TAFA1: variants seen among roughly 807,000 people sequenced by gnomAD.
The protein encoded by TAFA1 is TAFA chemokine like family member 1.
A neutral mutation model predicts 18.5 loss-of-function variants in TAFA1; 4 were observed. The ratio of observed to expected loss-of-function variants is 0.22; its 90% CI spans 0.11 to 0.49. TAFA1 has a LOEUF of 0.49. Ranked by LOEUF, TAFA1 falls within the 20% of genes least tolerant of loss-of-function variation. TAFA1 has a pLI of 0.98. For synonymous variants in TAFA1, 56 were observed against 55.2 expected (o/e 1.01, Z -0.06); for missense variants, 147 against 169.0 (o/e 0.87, Z 0.72).
At chr3:68,116,395 A>G (rs2065325489) in intron 2 of TAFA1, among the ~76,000 whole-genome samples, 1 of 152,226 alleles carries the variant, frequency 6.6e-6, no homozygotes, top group African/African-American at 2.4e-5. Flanking sequence ...TATCTCAATC[A>G]GCCACGCTAC....
chr3:68,472,371 G>A (rs954390847), intron 3 of TAFA1, among the ~76,000 whole-genome samples: 8 of 152,076 alleles, frequency 5.3e-5, no homozygotes, highest in South Asian at 2.1e-4. Context: ...GTGGAACTGT[G>A]AGTCAATTAA....
intron 2 of TAFA1, among the ~76,000 whole-genome samples, chr3:68,375,748 A>C (rs963688197): frequency 2.0e-5 from 3 of 152,204 alleles, no homozygotes; most frequent in Non-Finnish European, 4.4e-5. Context: ...CATAGTTTAC[A>C]TACACAAGTG....
At chr3:68,516,851 G>C (rs2072928079) in intron 3 of TAFA1, among the ~76,000 whole-genome samples, 1 of 152,034 alleles carries the variant, frequency 6.6e-6, no homozygotes. Context: ...TCAGCTCTCT[G>C]CAACCTCCAC....
At chr3:68,032,514 G>T (rs949115516) in intron 2 of TAFA1, among the ~76,000 whole-genome samples, 1 of 152,118 alleles carries the variant, frequency 6.6e-6, no homozygotes, top group African/African-American at 2.4e-5. Context: ...TGTAGAGGTA[G>T]TGCAAAAAGA....
intron 2 of TAFA1, among the ~76,000 whole-genome samples, chr3:68,107,359 T>C (rs781012936): frequency 6.6e-6 from 1 of 152,156 alleles, no homozygotes; most frequent in Non-Finnish European, 1.5e-5. Context: ...GTTTTATTCA[T>C]ACTTGCCCCA....
chr3:68,253,931 A>T (rs2067243511), intron 2 of TAFA1, among the ~76,000 whole-genome samples: 1 of 152,162 alleles, frequency 6.6e-6, no homozygotes, highest in Admixed American at 6.5e-5. Flanking sequence ...ATCATGTGGC[A>T]ACTGGGTTTT....
chr3:68,031,951 C>CT, intron 2 of TAFA1, among the ~76,000 whole-genome samples: 1 of 152,262 alleles, frequency 6.6e-6, no homozygotes, highest in African/African-American at 2.4e-5. Context: ...TTTGAATCTT[C>CT]TTATAGTTTT....
At chr3:68,328,492 G>T (rs908400275) in intron 2 of TAFA1, among the ~76,000 whole-genome samples, 3 of 152,142 alleles carry the variant, frequency 2.0e-5, no homozygotes, top group Non-Finnish European at 4.4e-5. Flanking sequence ...CTGCTGGGCC[G>T]GGAAGCTAGT....
chr3:68,162,596 C>T (rs1575653817), intron 2 of TAFA1, among the ~76,000 whole-genome samples: 2 of 152,224 alleles, frequency 1.3e-5, no homozygotes, highest in Middle Eastern at 6.8e-3. Context: ...ACTAAGTTTA[C>T]TCTCTCTCTC....
At chr3:68,333,807 G>A (rs149905372) in intron 2 of TAFA1, among the ~76,000 whole-genome samples, 1 of 152,214 alleles carries the variant, frequency 6.6e-6, no homozygotes, top group Non-Finnish European at 1.5e-5. Context: ...TGAAGAAATG[G>A]CATATTATTC....
At chr3:68,280,776 T>G (rs554725026) in intron 2 of TAFA1, among the ~76,000 whole-genome samples, 1 of 152,256 alleles carries the variant, frequency 6.6e-6, no homozygotes, top group South Asian at 2.1e-4. Context: ...CTTAAGTTGT[T>G]CCAGAAATAG....
At chr3:68,080,207 C>T (rs2064879008) in intron 2 of TAFA1, among the ~76,000 whole-genome samples, 1 of 152,132 alleles carries the variant, frequency 6.6e-6, no homozygotes, top group Non-Finnish European at 1.5e-5. Context: ...CTATGTGTGT[C>T]TCTGCACGTG....
chr3:68,082,436 G>A (rs2064917198), intron 2 of TAFA1, among the ~76,000 whole-genome samples: 1 of 152,150 alleles, frequency 6.6e-6, no homozygotes, highest in East Asian at 1.9e-4. Context: ...AGGGTTATAA[G>A]TCTGAATTTT....
intron 2 of TAFA1, among the ~76,000 whole-genome samples, chr3:68,361,846 G>A (rs2106795279): frequency 6.6e-6 from 1 of 152,136 alleles, no homozygotes; most frequent in East Asian, 1.9e-4. Flanking sequence ...TTTACAGGTG[G>A]CACTGAATCT....
intron 2 of TAFA1, among the ~76,000 whole-genome samples, chr3:68,398,192 A>T (rs2070421136): frequency 6.6e-6 from 1 of 152,212 alleles, no homozygotes; most frequent in African/African-American, 2.4e-5. Context: ...TAAAGTAACC[A>T]AAACAGCATG....
At chr3:68,149,793 T>A (rs1336343908) in intron 2 of TAFA1, among the ~76,000 whole-genome samples, 2 of 152,190 alleles carry the variant, frequency 1.3e-5, no homozygotes, top group African/African-American at 4.8e-5. Context: ...ACCTCAGGAT[T>A]CTAGATTTAG....
intron 2 of TAFA1, among the ~76,000 whole-genome samples, chr3:68,251,086 A>G (rs1265449606): frequency 6.6e-6 from 1 of 152,054 alleles, no homozygotes; most frequent in Non-Finnish European, 1.5e-5. Flanking sequence ...AGAAAAAAAA[A>G]CCAAAATAAA....
intron 2 of TAFA1, among the ~76,000 whole-genome samples, chr3:68,168,704 C>T (rs1047118405): frequency 1.3e-5 from 2 of 152,214 alleles, no homozygotes; most frequent in African/African-American, 4.8e-5. Flanking sequence ...TATTTCTACA[C>T]AAGGGGTCTA....
chr3:67,992,061 T>C, the TAFA1 span, among the ~76,000 whole-genome samples: 1 of 152,236 alleles, frequency 6.6e-6, no homozygotes, highest in Non-Finnish European at 1.5e-5. Flanking sequence ...TTTTGACTAA[T>C]GAAATGTGAG....
Sources: gnomAD v4.1 joint callset for allele counts (sites outside exome capture counted in the v4.1 genomes callset) on GRCh38, gnomAD v4.1.1 for gene constraint, MANE v1.5 for transcripts, NCBI Gene and HGNC (gene_info 2026-07-23, HGNC 2026-07-21) for gene names.